Variants in TMEM135 observed in about 807,000 individuals in gnomAD.
The protein encoded by TMEM135 is transmembrane protein 135.
A neutral mutation model predicts 60.3 loss-of-function variants in TMEM135; 30 were observed. That is an observed-to-expected ratio of 0.50 (90% CI 0.37 to 0.68). TMEM135 has a LOEUF of 0.68. Among genes scored for constraint, TMEM135 ranks in the 30% least tolerant of loss-of-function variants. TMEM135 has a pLI of 0.00. For missense variants in TMEM135, 468 were observed against 548.8 expected (o/e 0.85, Z 1.47); for synonymous variants, 190 against 186.7 (o/e 1.02, Z -0.14).
At chr11:87,314,962 G>T (rs1942702676) in intron 12 of TMEM135, among the ~76,000 whole-genome samples, 1 of 151,760 alleles carries the variant, frequency 6.6e-6, no homozygotes, top group African/African-American at 2.4e-5. Flanking sequence ...CAATACCACA[G>T]TATCATTATC....
intron 1 of TMEM135, among the ~76,000 whole-genome samples, chr11:87,062,450 T>C (rs1949959778): frequency 1.6e-5 from 1 of 62,546 alleles, no homozygotes; most frequent in Admixed American, 2.5e-4. Flanking sequence ...TGTCCAATTC[T>C]TCTAATATCA....
Position 87,238,383 on chromosome 11 carries a change from C to T in TMEM135, c.509+1699C>T, listed in dbSNP as rs180901354. Among the ~76,000 whole-genome samples, 598 of 151,962 alleles carry T rather than the reference C, an allele frequency of 3.9e-3. 2 individuals are homozygous for T. The highest frequency in any genetic ancestry group is 6.0e-3 in the Non-Finnish European group (410 of 67,908). The stretch of plus-strand genomic sequence containing the variant: ...GTAATTATTCTTGTAAAGAGACAGC[C>T]AGGCTTTTAGAAGGGGAAACATAGA... On this transcript the variant is annotated intron_variant, in intron 6 of 14. Coordinates refer to ENST00000305494, the MANE Select transcript of TMEM135 (RefSeq NM_022918.4).
intron 1 of TMEM135, among the ~76,000 whole-genome samples, chr11:87,065,679 GTT>G (rs1856638017): frequency 6.6e-6 from 1 of 152,122 alleles, no homozygotes; most frequent in Admixed American, 6.6e-5. Context: ...ATGAAGTTCA[GTT>G]TATCAATTTT....
At chr11:87,160,296 A>G (rs1428857637) in intron 5 of TMEM135, among the ~76,000 whole-genome samples, 1 of 152,196 alleles carries the variant, frequency 6.6e-6, no homozygotes, top group Non-Finnish European at 1.5e-5. Context: ...CTCTGAAAGT[A>G]AGATAGTCTT....
chr11:87,043,963 C>T (rs1949773353), intron 1 of TMEM135, among the ~76,000 whole-genome samples: 1 of 151,994 alleles, frequency 6.6e-6, no homozygotes, highest in Non-Finnish European at 1.5e-5. Context: ...TCTTTAGGAC[C>T]TCTAGATTAA....
intron 3 of TMEM135, among the ~76,000 whole-genome samples, chr11:87,078,663 G>A (rs554434426): frequency 2.6e-4 from 40 of 152,120 alleles, no homozygotes; most frequent in African/African-American, 9.4e-4. Context: ...CGCTGAGGCT[G>A]GAGTGCAGTG....
chr11:87,171,732 G>A (rs1591075781), intron 5 of TMEM135, among the ~76,000 whole-genome samples: 1 of 152,202 alleles, frequency 6.6e-6, no homozygotes, highest in South Asian at 2.1e-4. Context: ...CTAGGTAGTG[G>A]TGTCCGACCT....
At chr11:87,313,634 T>G in intron 11 of TMEM135, 146 bp downstream of exon 11, 1 of 735,678 alleles carries the variant, frequency 1.4e-6, no homozygotes, top group Non-Finnish European at 2.3e-6. Context: ...GTCCAAATAC[T>G]TTGTGATGTT....
At chr11:87,216,586 TA>T (rs1198072966) in intron 5 of TMEM135, among the ~76,000 whole-genome samples, 2 of 152,224 alleles carry the variant, frequency 1.3e-5, no homozygotes, top group East Asian at 3.8e-4. Flanking sequence ...TTTGTTTTAC[TA>T]AAAGTTTTGC....
rs759949732 is a variant in TMEM135, at chr11:87,327,782, T to C, written c.*6449T>C. 43 of 453,832 alleles carry C rather than the reference T, an allele frequency of 9.5e-5. No homozygotes were observed. The highest frequency in any genetic ancestry group is 1.7e-4 in the Non-Finnish European group (39 of 226,760). The allele number at this position is 453,832 out of a possible 1,614,324, so 28.1% of individuals were successfully genotyped here. ...ACCTGGGGGTGGGATGGGGGAGTGA[T>C]AGTTTTAAGTCCTGGAGTCCCAAGG... is the stretch of plus-strand genomic sequence containing the variant. On this transcript the variant is annotated 3_prime_UTR_variant, in exon 15 of 15. Coordinates refer to ENST00000305494, the MANE Select transcript of TMEM135 (RefSeq NM_022918.4).
At chr11:87,040,019 T>C (rs1949737319) in intron 1 of TMEM135, among the ~76,000 whole-genome samples, 1 of 152,206 alleles carries the variant, frequency 6.6e-6, no homozygotes, top group Admixed American at 6.5e-5. Flanking sequence ...ATTAAGTACT[T>C]ATTGAGGATA....
chr11:87,259,503 G>A (rs1230568953), intron 6 of TMEM135, among the ~76,000 whole-genome samples: 2 of 152,004 alleles, frequency 1.3e-5, no homozygotes, highest in Non-Finnish European at 2.9e-5. Flanking sequence ...TTAAGAATTA[G>A]CATAGATAGC....
chr11:87,108,886 T>C (rs185062666), intron 4 of TMEM135, among the ~76,000 whole-genome samples: 1 of 152,232 alleles, frequency 6.6e-6, no homozygotes, highest in African/African-American at 2.4e-5. Flanking sequence ...TATTGTGCTA[T>C]GTCCAAACAG....
Position 87,321,185 on chromosome 11 carries a change from A to G in TMEM135, c.1245-16A>G. The G allele has an allele frequency of 1.9e-6, 3 of 1,605,582 alleles. No homozygotes were observed. Among genetic ancestry groups the G allele is most frequent in the Non-Finnish European group, 2.6e-6 (3 of 1,172,498 alleles). On this transcript the variant is annotated splice_polypyrimidine_tract_variant and intron_variant, in intron 14 of 14. Transcript: ENST00000305494. ...AACTATATTAATACTTGTTTACTGT[A>G]TTCTTTGTTTTACAGATTTGCTGTC...
rs1361902507 is a variant in TMEM135, at chr11:87,317,283, C to T, written c.1078-854C>T. ...TAACATTTCTGTGACGCAGTTCTACCACATCTGAATTAAATCTTCAACATG... is the reference window on the plus strand; with the variant it reads ...TAACATTTCTGTGACGCAGTTCTACTACATCTGAATTAAATCTTCAACATG... On this transcript the variant is annotated intron_variant, in intron 12 of 14. Coordinates refer to ENST00000305494, the MANE Select transcript of TMEM135 (RefSeq NM_022918.4). 2.0e-5 allele frequency among the ~76,000 whole-genome samples: 3 copies of T among 151,930 alleles called. No homozygotes were observed. The East Asian group carries it at 5.8e-4, about 29-fold the overall frequency.
chr11:87,105,196 A>G (rs1857561709), intron 4 of TMEM135, among the ~76,000 whole-genome samples: 1 of 152,222 alleles, frequency 6.6e-6, no homozygotes, highest in Non-Finnish European at 1.5e-5. Context: ...CTAATGTGGC[A>G]TATCACAGGG....
At chr11:87,255,907 A>G (rs770730982) in intron 6 of TMEM135, among the ~76,000 whole-genome samples, 3 of 152,184 alleles carry the variant, frequency 2.0e-5, no homozygotes, top group Admixed American at 1.3e-4. Flanking sequence ...TGTATCTTCA[A>G]TGTAGCTATA....
chr11:87,277,754 T>G (rs1941994390), intron 6 of TMEM135, among the ~76,000 whole-genome samples: 1 of 152,080 alleles, frequency 6.6e-6, no homozygotes, highest in Non-Finnish European at 1.5e-5. Context: ...ACTCCTAACC[T>G]TAGGTGATCT....
rs1225309435 is a variant in TMEM135, at chr11:87,322,558, G to T, written c.*1225G>T. ...TTCTATGTTAATAAAGAGCTGAAGT[G>T]GTCTACAGTTAATGTGACATGTAGG... On this transcript the variant is annotated 3_prime_UTR_variant, in exon 15 of 15. Coordinates refer to ENST00000305494, the MANE Select transcript of TMEM135 (RefSeq NM_022918.4). The T allele has an allele frequency of 4.4e-6, 2 of 453,852 alleles. No individual in the cohort carries two copies. Among genetic ancestry groups the T allele is most frequent in the Non-Finnish European group, 8.8e-6 (2 of 226,704 alleles). The allele number at this position is 453,852 out of a possible 1,614,324, so 28.1% of individuals were successfully genotyped here. A position where few individuals can be genotyped will look rare whatever the true frequency, so the allele number is the denominator to read the frequency against.
Sources: gnomAD v4.1 joint callset for allele counts (sites outside exome capture counted in the v4.1 genomes callset) on GRCh38, gnomAD v4.1.1 for gene constraint, MANE v1.5 for transcripts, NCBI Gene and HGNC (gene_info 2026-07-23, HGNC 2026-07-21) for gene names.